The following TAF4B variants were observed in gnomAD, a reference collection of about 807,000 sequenced individuals.
TAF4B encodes TATA-box binding protein associated factor 4b.
Under a neutral mutation model 86.4 loss-of-function variants are expected in TAF4B, and 38 were observed. That is an observed-to-expected ratio of 0.44 (90% CI 0.34 to 0.58). The LOEUF is 0.58. TAF4B is among the 20% of genes least tolerant of loss of function. The pLI, the probability that TAF4B is intolerant of heterozygous loss-of-function variation, is 0.02. For synonymous variants in TAF4B, 388 were observed against 391.2 expected, an observed-to-expected ratio of 0.99 and a Z score of 0.10; for missense variants, 988 against 1,027.6, an observed-to-expected ratio of 0.96 and a Z score of 0.53.
At chr18:26,231,157 A>G (rs889075740) in intron 1 of TAF4B, among the ~76,000 whole-genome samples, 2 of 144,978 alleles carry the variant, frequency 1.4e-5, no homozygotes, top group African/African-American at 5.1e-5. Flanking sequence ...GTCCTGTCTC[A>G]GCCTCCTGAG....
Position 26,274,766 on chromosome 18 carries a change from C to T in TAF4B, c.701C>T (p.Ser234Leu). 6.2e-7 allele frequency: 1 copy of T among 1,614,198 alleles called. No individual in the cohort carries two copies. The highest frequency in any genetic ancestry group is 8.5e-7 in the Non-Finnish European group (1 of 1,180,036). ...PSSLGASSTPSNEPNLKAENS... is the reference protein window; with the variant it reads ...PSSLGASSTPLNEPNLKAENS... The stretch of plus-strand genomic sequence containing the variant: ...AGTTTGGGAGCATCATCCACTCCTT[C>T]AAATGAGCCCAATCTTAAAGCAGAG... The change falls in exon 4 of 15, where the codon TCA (serine) becomes TTA (leucine). Residue 234 changes from serine to leucine, a missense_variant. Coordinates refer to ENST00000269142, the MANE Select transcript of TAF4B (RefSeq NM_005640.3).
At chr18:26,362,811 G>A (rs1297984535) in intron 14 of TAF4B, among the ~76,000 whole-genome samples, 1 of 152,154 alleles carries the variant, frequency 6.6e-6, no homozygotes, top group Non-Finnish European at 1.5e-5. Context: ...CTTTGGATCT[G>A]TGGGTTCTGT....
chr18:26,352,326 G>A (rs560430682), intron 13 of TAF4B, among the ~76,000 whole-genome samples: 9 of 151,918 alleles, frequency 5.9e-5, no homozygotes, highest in South Asian at 2.1e-4. Context: ...AGGAGAAAAT[G>A]CTTACATTAG....
chr18:26,271,926 C>CAA lies in TAF4B; in HGVS notation c.598-2721_598-2720dup, dbSNP rs543780780. ...TGGTGGACAGAGCCAGACTCCGTCT[C>CAA]AAAAAAAAAAAAAAAAAGACACTTT... On this transcript the variant is annotated intron_variant, in intron 3 of 14. Coordinates refer to ENST00000269142, the MANE Select transcript of TAF4B (RefSeq NM_005640.3). Among the ~76,000 whole-genome samples the CAA allele has an allele frequency of 5.5e-3, 358 of 65,514 alleles. 3 individuals are homozygous for CAA. Among genetic ancestry groups the CAA allele is most frequent in the African/African-American group, 0.016 (324 of 19,978 alleles). The allele number at this position is 65,514 out of a possible 152,430, so 43.0% of individuals were successfully genotyped here.
At chr18:26,273,906 G>A (rs1057137849) in intron 3 of TAF4B, among the ~76,000 whole-genome samples, 1 of 152,154 alleles carries the variant, frequency 6.6e-6, no homozygotes, top group Non-Finnish European at 1.5e-5. Context: ...TCAGTTTTCT[G>A]TGTGAATTGT....
intron 5 of TAF4B, among the ~76,000 whole-genome samples, chr18:26,277,221 C>T (rs2056394713): frequency 6.6e-6 from 1 of 152,030 alleles, no homozygotes; most frequent in Non-Finnish European, 1.5e-5. Context: ...GTAACTGGGA[C>T]CACTGACATG....
chr18:26,259,496 A>G (rs1362532225), intron 1 of TAF4B, among the ~76,000 whole-genome samples: 1 of 141,530 alleles, frequency 7.1e-6, no homozygotes, highest in Non-Finnish European at 1.5e-5. Flanking sequence ...AAGTGTTCTC[A>G]TTGTTCAATT....
chr18:26,285,807 T>G, intron 6 of TAF4B, 75 bp from the exon 7 acceptor site: 1 of 1,520,452 alleles, frequency 6.6e-7, no homozygotes, highest in South Asian at 1.3e-5. Context: ...GTTGTAAAGG[T>G]ATGAAATACC....
At chr18:26,363,870 C>G (rs2057349629) in intron 14 of TAF4B, among the ~76,000 whole-genome samples, 1 of 152,138 alleles carries the variant, frequency 6.6e-6, no homozygotes, top group South Asian at 2.1e-4. Context: ...CAGAGGGTAA[C>G]TCTTTAGTTT....
At position 26,286,487 on chromosome 18, in the gene TAF4B, A is replaced by G; in HGVS notation, c.1578A>G (p.Gln526=). 1 of 1,604,302 alleles carries G rather than the reference A, an allele frequency of 6.2e-7. No individual in the cohort carries two copies. ...CAGCTGGGATTCCACAGGCAGTTCA[A>G]GTCAAGCAACTAGTGAGTAACATTT... ...SQPAGIPQAV[Q]VKQLVVQQPS... is the part of the protein sequence containing the mutation. The change falls in exon 7 of 15, where the codon CAA becomes CAG. Residue 526 remains glutamine, a synonymous_variant. Coordinates refer to ENST00000269142, the MANE Select transcript of TAF4B (RefSeq NM_005640.3).
At chr18:26,371,708 G>C (rs2057407191) in intron 14 of TAF4B, among the ~76,000 whole-genome samples, 1 of 152,104 alleles carries the variant, frequency 6.6e-6, no homozygotes, top group African/African-American at 2.4e-5. Flanking sequence ...TAAGCTCTAG[G>C]TCTGGTGAAC....
chr18:26,231,059 T>TG (rs1699943776), intron 1 of TAF4B, among the ~76,000 whole-genome samples: 2 of 132,236 alleles, frequency 1.5e-5, no homozygotes, highest in Admixed American at 8.0e-5. Context: ...TTTTTTTTTT[T>TG]GATGGATTTT....
chr18:26,307,088 C>G (rs908084436), intron 9 of TAF4B, among the ~76,000 whole-genome samples: 2 of 152,106 alleles, frequency 1.3e-5, no homozygotes. Flanking sequence ...CGTGCCCAGC[C>G]TTACTTCAGT....
At chr18:26,234,618 C>T (rs991007142) in intron 1 of TAF4B, among the ~76,000 whole-genome samples, 1 of 152,178 alleles carries the variant, frequency 6.6e-6, no homozygotes. Context: ...ATCCCATTCT[C>T]CACAAATGGA....
intron 1 of TAF4B, among the ~76,000 whole-genome samples, chr18:26,232,945 C>T (rs1198281626): frequency 6.6e-6 from 1 of 152,026 alleles, no homozygotes; most frequent in African/African-American, 2.4e-5. Flanking sequence ...GTTGTATGGC[C>T]CTGCGCTGAT....
intron 9 of TAF4B, 79 bp from the exon 10 acceptor site, chr18:26,315,149 TC>T: frequency 2.3e-6 from 1 of 429,012 alleles, no homozygotes; most frequent in Admixed American, 5.4e-5. Context: ...TCTCTCTGTC[TC>T]TCTCTCTCTC....
At chr18:26,386,034 T>C (rs1978347041) in intron 14 of TAF4B, among the ~76,000 whole-genome samples, 5 of 152,202 alleles carry the variant, frequency 3.3e-5, no homozygotes, top group African/African-American at 4.8e-5. Context: ...AGATTGACTT[T>C]CTAAGTTAGC....
At chr18:26,239,483 A>G (rs2144455105) in intron 1 of TAF4B, among the ~76,000 whole-genome samples, 1 of 152,242 alleles carries the variant, frequency 6.6e-6, no homozygotes, top group East Asian at 1.9e-4. Flanking sequence ...GATTCTGGAT[A>G]TTAGCCCTTT....
intron 6 of TAF4B, among the ~76,000 whole-genome samples, 159 bp downstream of exon 6, chr18:26,282,219 A>G (rs975468386): frequency 1.3e-5 from 2 of 152,238 alleles, no homozygotes; most frequent in African/African-American, 4.8e-5. Context: ...CGTGTTCATA[A>G]TATTATTTTA....
Sources: gnomAD v4.1 joint callset for allele counts (sites outside exome capture counted in the v4.1 genomes callset) on GRCh38, gnomAD v4.1.1 for gene constraint, MANE v1.5 for transcripts, NCBI Gene and HGNC (gene_info 2026-07-23, HGNC 2026-07-21) for gene names.